Variants in HEPH observed in about 807,000 individuals in gnomAD.
HEPH encodes the protein hephaestin.
A neutral mutation model predicts 80.8 loss-of-function variants in HEPH; 69 were observed. That is an observed-to-expected ratio of 0.85 (90% CI 0.70 to 1.04). HEPH has a LOEUF of 1.04. Among genes scored for constraint, HEPH ranks in the 50% least tolerant of loss-of-function variants. The pLI, the probability that HEPH is intolerant of heterozygous loss-of-function variation, is 0.00. For missense variants in HEPH, 1,115 were observed against 891.3 expected, an observed-to-expected ratio of 1.25 and a Z score of -3.20; for synonymous variants, 431 against 322.8, an observed-to-expected ratio of 1.34 and a Z score of -3.60.
chrX:66,206,008 T>G (rs1007152884), intron 13 of HEPH, among the ~76,000 whole-genome samples: 3 of 111,041 alleles, frequency 2.7e-5, no homozygotes, highest in Non-Finnish European at 3.8e-5. Context: ...TCTGTGCAAT[T>G]GATTGCACCT....
At position 66,220,565 on chromosome X, in the gene HEPH, A is replaced by G. The variant is rs965657228; in HGVS notation, c.2563+12319A>G. Among the ~76,000 whole-genome samples, 3 of 111,831 alleles carry G rather than the reference A, an allele frequency of 2.7e-5. No homozygotes were observed. The Admixed American group carries it at 2.8e-4, about 11-fold the overall frequency. On this transcript the variant is annotated intron_variant, in intron 15 of 20. Coordinates refer to ENST00000343002, the MANE Select transcript of HEPH (RefSeq NM_001367233.3). Reference sequence around the variant, plus strand: ...ATCCAAGTAGCCTAAATGACACAAGACCAGCATCCACATTCATTTCCACAC... The same window carrying G: ...ATCCAAGTAGCCTAAATGACACAAGGCCAGCATCCACATTCATTTCCACAC...
In HEPH at chrX:66,266,417, CA is replaced by C. The variant is rs764682951; in HGVS notation, c.3245-22del. On this transcript the variant is annotated intron_variant, in intron 20 of 20. Transcript: ENST00000343002. ...AGAGTACTCCCCATCCCAGGATGCCCATTTTTTTTTTCTCCATTTCAGCAGT... is the reference window on the plus strand; with the variant it reads ...AGAGTACTCCCCATCCCAGGATGCCCTTTTTTTTTTCTCCATTTCAGCAGT... 16 of 1,126,529 alleles carry C rather than the reference CA, an allele frequency of 1.4e-5. No individual in the cohort carries two copies. In the South Asian group the frequency reaches 2.8e-4, roughly 20 times the overall value. 92.8% of individuals were successfully genotyped at this position (1,126,529 alleles called of 1,213,427 possible). A position where few individuals can be genotyped will look rare whatever the true frequency, so the allele number is the denominator to read the frequency against.
chrX:66,186,598 G>C (rs2087460834), intron 4 of HEPH, among the ~76,000 whole-genome samples: 1 of 112,358 alleles, frequency 8.9e-6, no homozygotes, highest in Non-Finnish European at 1.9e-5. Context: ...TGCGCCCACT[G>C]TCTGGCACTC....
rs943173442 is a variant in HEPH at position 66,203,708 on chromosome X, G to A, written c.2291+131G>A. The A allele has an allele frequency of 2.1e-5, 11 of 519,790 alleles. No homozygotes were observed. The Admixed American group carries it at 2.2e-4, about 10-fold the overall frequency. The allele number at this position is 519,790 out of a possible 1,213,427, so 42.8% of individuals were successfully genotyped here. Reference sequence around the variant, plus strand: ...GATACCAACAGATTTGGGAGATGGGGCTATAATGCAGCTCTTATGAATTCT... The same window carrying A: ...GATACCAACAGATTTGGGAGATGGGACTATAATGCAGCTCTTATGAATTCT... On this transcript the variant is annotated intron_variant, in intron 13 of 20. Coordinates refer to ENST00000343002, the MANE Select transcript of HEPH (RefSeq NM_001367233.3).
At chrX:66,179,816 CT>C (rs1417100919) in intron 4 of HEPH, among the ~76,000 whole-genome samples, 1 of 111,573 alleles carries the variant, frequency 9.0e-6, no homozygotes, top group African/African-American at 3.3e-5. Flanking sequence ...TGAACAAGGC[CT>C]TTTATCATAA....
At chrX:66,199,058 A>T in intron 11 of HEPH, 30 bp downstream of exon 11, 1 of 1,181,200 alleles carries the variant, frequency 8.5e-7, no homozygotes, top group South Asian at 1.8e-5. Flanking sequence ...CCTGGGCTAA[A>T]TTGAGGGTCC....
chrX:66,266,316 A>C, intron 20 of HEPH, 124 bp from the exon 21 acceptor site: 1 of 482,316 alleles, frequency 2.1e-6, no homozygotes, highest in Admixed American at 4.0e-5. Flanking sequence ...AGTTTTGTGA[A>C]GGATAAGGAC....
chrX:66,198,085 A>G, intron 10 of HEPH, among the ~76,000 whole-genome samples, 191 bp downstream of exon 10: 1 of 111,741 alleles, frequency 8.9e-6, no homozygotes, highest in East Asian at 2.8e-4. Flanking sequence ...ACTGACAAAT[A>G]TATATCTTCC....
intron 2 of HEPH, chrX:66,170,990 T>C (rs1380712098): frequency 2.9e-6 from 1 of 346,834 alleles, no homozygotes; most frequent in Non-Finnish European, 5.1e-6. Context: ...TCTAATCTCA[T>C]ACCCACAATG....
intron 15 of HEPH, among the ~76,000 whole-genome samples, chrX:66,217,016 C>A (rs2089427496): frequency 9.0e-6 from 1 of 110,696 alleles, no homozygotes; most frequent in African/African-American, 3.3e-5. Flanking sequence ...GAAAAGCCTC[C>A]AAGAAGTTTG....
rs756695254 is a variant in HEPH, at chrX:66,258,917, G to A, written c.2974G>A (p.Ala992Thr). 2 of 1,169,567 alleles carry A rather than the reference G, an allele frequency of 1.7e-6. No individual in the cohort carries two copies. The highest frequency in any genetic ancestry group is 2.3e-6 in the Non-Finnish European group (2 of 873,017). The change falls in exon 18 of 21, where the codon GCC becomes ACC. Residue 992 changes from alanine to threonine, a missense_variant. Physicochemically the swap from Ala to Thr is moderately conservative, Grantham distance 58. Around this residue, in one of 3 missense-constraint regions of HEPH, gnomAD observed 716 missense variants for 523.5 expected, o/e 1.37. Transcript: ENST00000343002. ...AGAACGAGTGGCCTGGTACATGCTG[G>A]CCATGGGCCAAGATGTGGATCTACA... ...QGERVAWYML[A>T]MGQDVDLHTI...
chrX:66,257,016 A>T (rs974014426), intron 17 of HEPH, among the ~76,000 whole-genome samples: 1 of 112,324 alleles, frequency 8.9e-6, no homozygotes, highest in African/African-American at 3.2e-5. Context: ...ATCTCTCACT[A>T]TTCCTTCTAG....
chrX:66,266,034 A>T (rs1393492867), intron 20 of HEPH, among the ~76,000 whole-genome samples: 1 of 112,044 alleles, frequency 8.9e-6, no homozygotes, highest in Non-Finnish European at 1.9e-5. Context: ...ATTGCTATTG[A>T]TAAGCTGGAT....
rs1304324254 is a variant in HEPH at position 66,208,672 on chromosome X, A to G, written c.2563+426A>G. Among the ~76,000 whole-genome samples the G allele has an allele frequency of 3.9e-5, 3 of 76,169 alleles. No homozygotes were observed. In the East Asian group the frequency reaches 1.2e-3, roughly 29 times the overall value. The allele number at this position is 76,169 out of a possible 115,157, so 66.1% of individuals were successfully genotyped here. ...TATATATATATATATATATATATAT[A>G]TATATGAGCTTAGAGACCTGAAATA... On this transcript the variant is annotated intron_variant, in intron 15 of 20. Coordinates refer to ENST00000343002, the MANE Select transcript of HEPH (RefSeq NM_001367233.3).
At position 66,208,172 on chromosome X, in the gene HEPH, C is replaced by T. The variant is rs757226849; in HGVS notation, c.2489C>T (p.Ala830Val). ...CTGACTGTGGTATTCAAGAATAATG[C>T]CAGCCGCCCCTACTCTGTGCATGCT... is the stretch of plus-strand genomic sequence containing the variant. ...DILTVVFKNN[A>V]SRPYSVHAHG... The change falls in exon 15 of 21, where the codon GCC becomes GTC. Residue 830 changes from alanine to valine, a missense_variant. Physicochemically the swap from Ala to Val is moderately conservative, Grantham distance 64. This residue lies in a region of HEPH where 716 missense variants were observed against 523.5 expected (regional missense o/e 1.37). Coordinates refer to ENST00000343002, the MANE Select transcript of HEPH (RefSeq NM_001367233.3). 33 of 1,203,415 alleles carry T rather than the reference C, an allele frequency of 2.7e-5. No individual in the cohort carries two copies. Among genetic ancestry groups the T allele is most frequent in the Non-Finnish European group, 3.7e-5 (33 of 888,809 alleles).
In HEPH at chrX:66,170,477, C is replaced by T. The variant is rs2086544668; in HGVS notation, c.-13-81C>T. 8.8e-6 allele frequency: 8 copies of T among 910,417 alleles called. No individual in the cohort carries two copies. The East Asian group carries it at 2.3e-4, about 26-fold the overall frequency. 75.0% of individuals were successfully genotyped at this position (910,417 alleles called of 1,213,427 possible). ...CTCAGTCACTCAACCTGGCTCTTGC[C>T]TCTTCAGTTTTCTGGACACGTAGAA... On this transcript the variant is annotated intron_variant, in intron 1 of 20. Transcript: ENST00000343002.
chrX:66,176,292 T>G (rs892658041), intron 4 of HEPH, among the ~76,000 whole-genome samples: 12 of 112,115 alleles, frequency 1.1e-4, no homozygotes, highest in Middle Eastern at 4.6e-3. Flanking sequence ...TTTTAAAAAT[T>G]CTGTTCATGT....
chrX:66,237,754 T>C (rs918214600), intron 15 of HEPH, among the ~76,000 whole-genome samples: 1 of 112,394 alleles, frequency 8.9e-6, no homozygotes, highest in African/African-American at 3.2e-5. Flanking sequence ...TGTGGGAGTC[T>C]AAAAGTATCT....
chrX:66,254,902 A>C (rs1037470413), intron 15 of HEPH, 133 bp from the exon 16 acceptor site: 1 of 383,117 alleles, frequency 2.6e-6, no homozygotes, highest in Non-Finnish European at 4.5e-6. Context: ...TCACAAAAAT[A>C]AAATGATGGA....
Sources: gnomAD v4.1 joint callset for allele counts (sites outside exome capture counted in the v4.1 genomes callset) on GRCh38, gnomAD v4.1.1 for gene constraint, gnomAD v4.1.1 regional missense constraint, MANE v1.5 for transcripts, NCBI Gene and HGNC (gene_info 2026-07-23, HGNC 2026-07-21) for gene names.